The following RSPO1 variants were observed in gnomAD, a reference collection of about 807,000 sequenced individuals.
RSPO1 encodes the protein R-spondin 1.
RSPO1 carries 18 observed loss-of-function variants against 26.0 expected under a neutral mutation model. That is an observed-to-expected ratio of 0.69 (90% CI 0.48 to 1.03). The LOEUF (loss-of-function observed/expected upper bound fraction) is 1.03. Among genes scored for constraint, RSPO1 ranks in the 50% least tolerant of loss-of-function variants. The pLI is 0.00. For synonymous variants in RSPO1, 133 were observed against 137.4 expected (o/e 0.97, Z 0.22); for missense variants, 309 against 352.3 (o/e 0.88, Z 0.98).
chr1:37,626,214 A>T (rs1047892038), intron 3 of RSPO1, among the ~76,000 whole-genome samples: 3 of 152,082 alleles, frequency 2.0e-5, no homozygotes, highest in African/African-American at 7.3e-5. Flanking sequence ...ACCCTGCAGC[A>T]TCTTCTCCCC....
At position 37,630,306 on chromosome 1, in the gene RSPO1, T is replaced by G. The variant is rs572531303; in HGVS notation, c.-288-357A>C. ...CTACAGACCTCATGCTGCAGTAGTATCCTGTCTCTTGAAGAGGAGCTCTCT... is the reference window on the plus strand; with the variant it reads ...CTACAGACCTCATGCTGCAGTAGTAGCCTGTCTCTTGAAGAGGAGCTCTCT... On this transcript the variant is annotated intron_variant, in intron 2 of 6. Transcript: ENST00000356545. Among the ~76,000 whole-genome samples the G allele has an allele frequency of 4.8e-5, 7 of 145,726 alleles. No homozygotes were observed. In the South Asian group the frequency reaches 1.1e-3, roughly 23 times the overall value.
At position 37,612,357 on chromosome 1, in the gene RSPO1, C is replaced by T. The variant is rs1176278624; in HGVS notation, c.*398G>A. ...TCTGCCACAGTGGCTGGTCCGATCC[C>T]AGCAGCTTCTCCAGAAGGCTCCCCT... On this transcript the variant is annotated 3_prime_UTR_variant, in exon 7 of 7. Transcript: ENST00000356545. 3 of 251,796 alleles carry T rather than the reference C, an allele frequency of 1.2e-5. No homozygotes were observed. In the East Asian group the frequency reaches 2.9e-4, roughly 24 times the overall value. 15.6% of individuals were successfully genotyped at this position (251,796 alleles called of 1,614,324 possible).
At chr1:37,628,555 A>G (rs1644311451) in intron 3 of RSPO1, among the ~76,000 whole-genome samples, 1 of 152,218 alleles carries the variant, frequency 6.6e-6, no homozygotes. Flanking sequence ...GCATCTTCTC[A>G]TGCGGGATGT....
intron 3 of RSPO1, among the ~76,000 whole-genome samples, 171 bp from the exon 4 acceptor site, chr1:37,616,846 T>C (rs1246836394): frequency 3.9e-5 from 6 of 152,208 alleles, no homozygotes; most frequent in Non-Finnish European, 7.3e-5. Flanking sequence ...TTTATACACC[T>C]TCCCAGTAGC....
chr1:37,622,244 G>A (rs558644741), intron 3 of RSPO1, among the ~76,000 whole-genome samples: 113 of 152,338 alleles, frequency 7.4e-4, no homozygotes, highest in South Asian at 1.5e-3. Context: ...GCCCAACCTG[G>A]TGGTGGCGAC....
chr1:37,628,201 C>G (rs1282519346), intron 3 of RSPO1, among the ~76,000 whole-genome samples: 1 of 152,248 alleles, frequency 6.6e-6, no homozygotes, highest in East Asian at 1.9e-4. Context: ...CTCTCTCTCT[C>G]TCTCATTTCG....
chr1:37,616,430 C>G, intron 4 of RSPO1, 54 bp downstream of exon 4: 1 of 1,556,108 alleles, frequency 6.4e-7, no homozygotes, highest in Non-Finnish European at 8.9e-7. Flanking sequence ...AGCACTCTCC[C>G]CCAGTCCAGA....
rs1431758999 is a variant in RSPO1 at position 37,612,839 on chromosome 1, A to G, written c.708T>C (p.Gly236=). 7 of 1,613,186 alleles carry G rather than the reference A, an allele frequency of 4.3e-6. No individual in the cohort carries two copies. The highest frequency in any genetic ancestry group is 5.1e-6 in the Non-Finnish European group (6 of 1,179,618). Residue 236 remains glycine (G), a synonymous_variant, in exon 7 of 7, where the codon GGT becomes GGC. Coordinates refer to ENST00000356545, the MANE Select transcript of RSPO1 (RefSeq NM_001242908.2). Reference sequence around the variant, plus strand: ...GCCCCTTGCGTCTTCGAGAGCCAGCACCCGCCTCCTTGCTCTCCTTCCTGG... The same window carrying G: ...GCCCCTTGCGTCTTCGAGAGCCAGCGCCCGCCTCCTTGCTCTCCTTCCTGG... ...NLARKESKEA[G]AGSRRRKGQQ... is the part of the protein sequence containing the mutation.
chr1:37,627,142 C>T (rs777336431), intron 3 of RSPO1, among the ~76,000 whole-genome samples: 1 of 152,064 alleles, frequency 6.6e-6, no homozygotes, highest in Non-Finnish European at 1.5e-5. Context: ...GCCCTCCTAC[C>T]CTGCAGCCGA....
chr1:37,619,250 G>C (rs976225858), intron 3 of RSPO1, among the ~76,000 whole-genome samples: 21 of 152,206 alleles, frequency 1.4e-4, no homozygotes, highest in African/African-American at 5.1e-4. Flanking sequence ...ACAAACAAAA[G>C]AGCCAGGGAG....
At chr1:37,627,522 T>C (rs965433259) in intron 3 of RSPO1, among the ~76,000 whole-genome samples, 2 of 152,014 alleles carry the variant, frequency 1.3e-5, no homozygotes, top group African/African-American at 4.8e-5. Context: ...TGGTGACACA[T>C]GCCTGTAATC....
chr1:37,612,793 C>T lies in RSPO1; in HGVS notation c.754G>A (p.Gly252Arg). Residue 252 changes from glycine (G) to arginine (R), a missense_variant, in exon 7 of 7, where the codon GGG (glycine) becomes AGG (arginine). Gly to Arg is a moderately radical substitution (Grantham distance 125). Coordinates refer to ENST00000356545, the MANE Select transcript of RSPO1 (RefSeq NM_001242908.2). The part of the protein sequence containing the change: ...RKGQQQQQQQ[G>R]TVGPLTSAGP... ...GCAGATGTGAGTGGCCCCACTGTCC[C>T]TTGCTGCTGCTGCTGTTGCTGCCCC... 2 of 1,612,612 alleles carry T rather than the reference C, an allele frequency of 1.2e-6. No individual in the cohort carries two copies. Among genetic ancestry groups the T allele is most frequent in the Middle Eastern group, 1.6e-4 (1 of 6,062 alleles).
At chr1:37,629,199 C>G (rs1000607574) in intron 3 of RSPO1, among the ~76,000 whole-genome samples, 3 of 152,210 alleles carry the variant, frequency 2.0e-5, no homozygotes, top group African/African-American at 7.2e-5. Flanking sequence ...AGCCCCAGGG[C>G]AGGGGGATTG....
At chr1:37,621,836 G>A (rs1644208143) in intron 3 of RSPO1, among the ~76,000 whole-genome samples, 1 of 140,624 alleles carries the variant, frequency 7.1e-6, no homozygotes, top group African/African-American at 2.7e-5. Flanking sequence ...AGATCTCACT[G>A]TGTTGCCCAG....
At chr1:37,623,718 A>G (rs1386918762) in intron 3 of RSPO1, among the ~76,000 whole-genome samples, 1 of 138,848 alleles carries the variant, frequency 7.2e-6, no homozygotes, top group Non-Finnish European at 1.6e-5. Flanking sequence ...CCTCAAAAGG[A>G]AAAAAAAAAA....
At chr1:37,629,205 G>A (rs1418621780) in intron 3 of RSPO1, among the ~76,000 whole-genome samples, 1 of 152,236 alleles carries the variant, frequency 6.6e-6, no homozygotes, top group African/African-American at 2.4e-5. Flanking sequence ...AGGGCAGGGG[G>A]ATTGGGGAAG....
In RSPO1 at chr1:37,613,629, G is replaced by A; in HGVS notation, c.625+75C>T. Reference sequence around the variant, plus strand: ...GAAGCTTCTTCCTGAGCCGTGGGCAGGAAGCAGAGGTGGCAGGACCTGTCA... The same window carrying A: ...GAAGCTTCTTCCTGAGCCGTGGGCAAGAAGCAGAGGTGGCAGGACCTGTCA... On this transcript the variant is annotated intron_variant, in intron 6 of 6. Transcript: ENST00000356545. The surrounding 1 kb of genome is among the most constrained non-coding windows in gnomAD (Gnocchi z 4.5). The A allele has an allele frequency of 2.3e-6, 3 of 1,314,624 alleles. No homozygotes were observed. Among genetic ancestry groups the A allele is most frequent in the Non-Finnish European group, 3.2e-6 (3 of 924,304 alleles). 81.4% of individuals were successfully genotyped at this position (1,314,624 alleles called of 1,614,324 possible). A position where few individuals can be genotyped will look rare whatever the true frequency, so the allele number is the denominator to read the frequency against.
rs372861038 is a variant in RSPO1, at chr1:37,613,714, C to T, written c.615G>A (p.Pro205=). 67 of 1,613,012 alleles carry T rather than the reference C, an allele frequency of 4.2e-5. No individual in the cohort carries two copies. The highest frequency in any genetic ancestry group is 4.7e-5 in the Non-Finnish European group (56 of 1,179,664). The change falls in exon 6 of 7, where the codon CCG becomes CCA. Residue 205 remains proline (P), a synonymous_variant. Coordinates refer to ENST00000356545, the MANE Select transcript of RSPO1 (RefSeq NM_001242908.2). The surrounding 1 kb of genome is among the most constrained non-coding windows in gnomAD (Gnocchi z 4.5). ...ETRRCTVRRV[P]CPEGQKRRKG... The stretch of plus-strand genomic sequence containing the variant: ...GAGGCTGCAGCTCACCCTCAGGACA[C>T]GGCACTCTCCTCACTGTGCACCTCC...
At chr1:37,630,744 A>C (rs142990098) in intron 2 of RSPO1, among the ~76,000 whole-genome samples, 1 of 151,784 alleles carries the variant, frequency 6.6e-6, no homozygotes, top group East Asian at 1.9e-4. Context: ...GAGAATGAAA[A>C]CCCTGCTTCC....
Sources: allele counts gnomAD v4.1 joint callset (sites outside exome capture counted in the v4.1 genomes callset), GRCh38; gene constraint gnomAD v4.1.1; non-coding constraint Gnocchi (gnomAD v3.1); transcripts MANE v1.5; gene names NCBI Gene and HGNC (gene_info 2026-07-23, HGNC 2026-07-21).